The following CRACR2A variants were observed in gnomAD, a reference collection of about 807,000 sequenced individuals.
CRACR2A encodes the protein calcium release activated channel regulator 2A.
Under a neutral mutation model 90.5 loss-of-function variants are expected in CRACR2A, and 79 were observed. That is an observed-to-expected ratio of 0.87 (90% confidence interval 0.73 to 1.05). CRACR2A has a LOEUF of 1.05. CRACR2A is among the 50% of genes least tolerant of loss of function. The probability of loss-of-function intolerance (pLI) is 0.00; values close to 1 mark genes in which losing one functional copy is unlikely to be tolerated. For synonymous variants in CRACR2A, 338 were observed against 356.7 expected (o/e 0.95, Z 0.59); for missense variants, 823 against 897.2 (o/e 0.92, Z 1.06).
In CRACR2A at chr12:3,654,417, G is replaced by A. The variant is rs377039989; in HGVS notation, c.859-18C>T. On this transcript the variant is annotated intron_variant, in intron 9 of 19. Transcript: ENST00000440314. ...CCTTCCAGCTGCAAAGGAATGGGGA[G>A]CAGAGGGGAATGAGGAGTGACCACC... 77 of 1,573,820 alleles carry A rather than the reference G, an allele frequency of 4.9e-5. No individual in the cohort carries two copies. The South Asian group carries it at 6.2e-4, about 13-fold the overall frequency.
Position 3,633,829 on chromosome 12 carries a change from G to A in CRACR2A, c.1603-93C>T. 6.6e-7 allele frequency: 1 copy of A among 1,514,550 alleles called. No homozygotes were observed. The highest frequency in any genetic ancestry group is 1.2e-5 in the South Asian group (1 of 80,742). The allele number at this position is 1,514,550 out of a possible 1,614,324, so 93.8% of individuals were successfully genotyped here. ...AGGCCCTTTACCCATCCCTACAGTG[G>A]CCCTCAGGAGGTGCAGACCGGCCTC... On this transcript the variant is annotated intron_variant, in intron 14 of 19. Coordinates refer to ENST00000440314, the MANE Select transcript of CRACR2A (RefSeq NM_001144958.2). This position sits in a 1 kb window ranked among gnomAD's most constrained non-coding sequence, Gnocchi z 4.5.
chr12:3,712,235 A>T (rs548246370), intron 3 of CRACR2A, among the ~76,000 whole-genome samples: 86 of 145,082 alleles, frequency 5.9e-4, no homozygotes, highest in South Asian at 3.5e-3. Context: ...TTTTTTTTTT[A>T]AAGTGGGGAT....
chr12:3,726,553 T>A (rs1241838048), intron 2 of CRACR2A: 1 of 152,060 alleles, frequency 6.6e-6, no homozygotes, highest in Non-Finnish European at 1.5e-5. Flanking sequence ...TACAATGAGT[T>A]ACCCCCCTTT....
intron 1 of CRACR2A, among the ~76,000 whole-genome samples, chr12:3,745,825 TAAA>T (rs1946614734): frequency 1.0e-5 from 1 of 100,486 alleles, no homozygotes; most frequent in Non-Finnish European, 2.0e-5. Context: ...TAAAATAAAA[TAAA>T]GAAAGAAAAG....
At chr12:3,698,291 G>A (rs914600655) in intron 3 of CRACR2A, among the ~76,000 whole-genome samples, 3 of 152,160 alleles carry the variant, frequency 2.0e-5, no homozygotes, top group Non-Finnish European at 2.9e-5. Context: ...ATTTTGTGGC[G>A]AGCTGGAGAA....
intron 4 of CRACR2A, among the ~76,000 whole-genome samples, chr12:3,690,608 T>C (rs1398930822): frequency 6.6e-6 from 1 of 152,192 alleles, no homozygotes; most frequent in Non-Finnish European, 1.5e-5. Context: ...GTATGTGCCA[T>C]GTGGTGATGA....
chr12:3,622,004 A>G (rs1944153137), intron 17 of CRACR2A, among the ~76,000 whole-genome samples: 1 of 152,182 alleles, frequency 6.6e-6, no homozygotes, highest in Admixed American at 6.5e-5. Context: ...AGGAGCTGGT[A>G]TTGGGGTAGG....
intron 4 of CRACR2A, among the ~76,000 whole-genome samples, chr12:3,692,897 C>T (rs1945674062): frequency 6.6e-6 from 1 of 152,134 alleles, no homozygotes; most frequent in Non-Finnish European, 1.5e-5. Context: ...TCACTCAGGG[C>T]AGGGAAAGGT....
At chr12:3,709,791 G>T (rs1326819121) in intron 3 of CRACR2A, among the ~76,000 whole-genome samples, 1 of 152,178 alleles carries the variant, frequency 6.6e-6, no homozygotes, top group African/African-American at 2.4e-5. Flanking sequence ...AAAAAAATTA[G>T]AAAGTAAATA....
intron 6 of CRACR2A, among the ~76,000 whole-genome samples, chr12:3,676,718 G>C (rs1945341988): frequency 6.7e-6 from 1 of 148,936 alleles, no homozygotes; most frequent in African/African-American, 2.5e-5. Flanking sequence ...ATAAATTTTG[G>C]TTATTTATAT....
chr12:3,654,673 C>A (rs1427938505), intron 9 of CRACR2A, among the ~76,000 whole-genome samples: 1 of 152,192 alleles, frequency 6.6e-6, no homozygotes, highest in Non-Finnish European at 1.5e-5. Flanking sequence ...TCAAAAAGAC[C>A]ACTAGCAAAG....
chr12:3,673,068 T>G (rs1057301930), intron 7 of CRACR2A, among the ~76,000 whole-genome samples: 5 of 152,232 alleles, frequency 3.3e-5, no homozygotes. Context: ...CTCCCAGTCC[T>G]GGCTCTACTG....
chr12:3,643,740 T>C (rs1544537), intron 12 of CRACR2A, among the ~76,000 whole-genome samples: 24,175 of 126,486 alleles, frequency 0.19, 2,936 homozygotes, highest in East Asian at 0.43. Flanking sequence ...CATATACACA[T>C]ACATACATAT....
At chr12:3,653,786 T>G (rs1223597931) in intron 10 of CRACR2A, among the ~76,000 whole-genome samples, 1 of 152,158 alleles carries the variant, frequency 6.6e-6, no homozygotes, top group African/African-American at 2.4e-5. Context: ...TGGTCCCTCT[T>G]GGCCTCCCAG....
At chr12:3,745,593 G>C (rs937102497) in intron 1 of CRACR2A, among the ~76,000 whole-genome samples, 2 of 151,808 alleles carry the variant, frequency 1.3e-5, no homozygotes, top group Admixed American at 6.6e-5. Context: ...GGCCAAGATG[G>C]AGAAACCCCG....
At position 3,673,335 on chromosome 12, in the gene CRACR2A, GC is replaced by G. The variant is rs1945283643; in HGVS notation, c.671+110del. ...GGCCTGGTCCCCACTTTGGCAGACA[GC>G]AAAAGGAGGCATTGCACGATGTTTT... is the stretch of plus-strand genomic sequence containing the variant. On this transcript the variant is annotated intron_variant, in intron 7 of 19. Coordinates refer to ENST00000440314, the MANE Select transcript of CRACR2A (RefSeq NM_001144958.2). The G allele has an allele frequency of 2.2e-6, 3 of 1,358,192 alleles. No individual in the cohort carries two copies. In the Admixed American group the frequency reaches 6.7e-5, roughly 30 times the overall value. 84.1% of individuals were successfully genotyped at this position (1,358,192 alleles called of 1,614,324 possible).
intron 10 of CRACR2A, among the ~76,000 whole-genome samples, chr12:3,653,208 C>T (rs1944828365): frequency 6.6e-6 from 1 of 150,946 alleles, no homozygotes; most frequent in Non-Finnish European, 1.5e-5. Flanking sequence ...GTCTTGAACT[C>T]CTGACCTTGT....
At chr12:3,709,119 A>T (rs1417227624) in intron 3 of CRACR2A, among the ~76,000 whole-genome samples, 1 of 152,184 alleles carries the variant, frequency 6.6e-6, no homozygotes, top group Non-Finnish European at 1.5e-5. Flanking sequence ...CAAACAGCAG[A>T]GGTAGAGGAG....
chr12:3,627,487 G>A lies in CRACR2A; in HGVS notation c.1881C>T (p.Leu627=). The change falls in exon 17 of 20, where the codon CTC becomes CTT. Residue 627 remains leucine, a synonymous_variant. Transcript: ENST00000440314. ...CCGACAGGAACGACTGCTTGTCTGT[G>A]AGATCGTACATGACGATGACACCAT... is the stretch of plus-strand genomic sequence containing the variant. ...KADGVIVMYD[L]TDKQSFLSVR... is the part of the protein sequence containing the mutation. 1 of 1,552,006 alleles carries A rather than the reference G, an allele frequency of 6.4e-7. No homozygotes were observed. Among genetic ancestry groups the A allele is most frequent in the Non-Finnish European group, 8.7e-7 (1 of 1,147,084 alleles).
Sources: gnomAD v4.1 joint callset for allele counts (sites outside exome capture counted in the v4.1 genomes callset) on GRCh38, gnomAD v4.1.1 for gene constraint, Gnocchi (gnomAD v3.1) non-coding constraint, MANE v1.5 for transcripts, NCBI Gene and HGNC (gene_info 2026-07-23, HGNC 2026-07-21) for gene names.